Variants in PAQR5 observed in about 807,000 individuals in gnomAD.
The protein encoded by PAQR5 is membrane progestin receptor gamma.
In PAQR5, 20 loss-of-function variants were observed where a neutral mutation model predicts 34.5. The ratio of observed to expected loss-of-function variants is 0.58; its 90% CI spans 0.41 to 0.84. The LOEUF (loss-of-function observed/expected upper bound fraction) is 0.84. PAQR5 is among the 40% of genes least tolerant of loss of function. PAQR5 has a pLI of 0.00. For synonymous variants in PAQR5, 131 were observed against 155.6 expected (o/e 0.84, Z 1.18); for missense variants, 378 against 412.7 (o/e 0.92, Z 0.73).
chr15:69,396,102 G>A (rs1191419579), intron 6 of PAQR5, among the ~76,000 whole-genome samples: 6 of 151,478 alleles, frequency 4.0e-5, no homozygotes, highest in Non-Finnish European at 8.8e-5. Context: ...ACCAGATCTG[G>A]CACCTGCCTG....
At chr15:69,392,473 C>A (rs574208642) in intron 6 of PAQR5, among the ~76,000 whole-genome samples, 1 of 151,868 alleles carries the variant, frequency 6.6e-6, no homozygotes, top group Non-Finnish European at 1.5e-5. Flanking sequence ...TGGAGTACAT[C>A]TGTGCCTATT....
At chr15:69,320,517 C>T (rs923797915) in intron 1 of PAQR5, among the ~76,000 whole-genome samples, 5 of 151,852 alleles carry the variant, frequency 3.3e-5, no homozygotes, top group East Asian at 1.9e-4. Context: ...TCACCAGGGC[C>T]GATAATATGC....
At chr15:69,349,361 T>C (rs1270994807) in intron 2 of PAQR5, among the ~76,000 whole-genome samples, 1 of 152,166 alleles carries the variant, frequency 6.6e-6, no homozygotes, top group African/African-American at 2.4e-5. Context: ...AGGCCCAAAA[T>C]GTGACCCACG....
intron 2 of PAQR5, among the ~76,000 whole-genome samples, chr15:69,348,527 G>A (rs1405545644): frequency 5.3e-5 from 8 of 152,168 alleles, no homozygotes; most frequent in Non-Finnish European, 1.2e-4. Context: ...CATAGGTTTG[G>A]TTCAGAGTAG....
At chr15:69,312,223 G>C (rs540788298) in intron 1 of PAQR5, among the ~76,000 whole-genome samples, 17 of 152,140 alleles carry the variant, frequency 1.1e-4, no homozygotes, top group Non-Finnish European at 1.6e-4. Context: ...AGGCAGGGGC[G>C]AGAGGGTCCA....
At chr15:69,358,806 A>G (rs994297064) in intron 2 of PAQR5, among the ~76,000 whole-genome samples, 1 of 151,810 alleles carries the variant, frequency 6.6e-6, no homozygotes, top group African/African-American at 2.4e-5. Flanking sequence ...TGTAGAAACA[A>G]GGTCTCACTA....
intron 2 of PAQR5, among the ~76,000 whole-genome samples, chr15:69,358,194 T>G (rs940087667): frequency 1.1e-4 from 16 of 152,032 alleles, no homozygotes; most frequent in Non-Finnish European, 1.2e-4. Context: ...TTCTGTTTCT[T>G]GGACCTGTTG....
At chr15:69,364,666 A>T (rs1245585719) in intron 3 of PAQR5, among the ~76,000 whole-genome samples, 1 of 150,372 alleles carries the variant, frequency 6.7e-6, no homozygotes, top group Admixed American at 6.7e-5. Flanking sequence ...TGTGTGTATA[A>T]GTAATCTTTT....
At chr15:69,308,719 C>G (rs530235138) in intron 1 of PAQR5, among the ~76,000 whole-genome samples, 1 of 152,198 alleles carries the variant, frequency 6.6e-6, no homozygotes, top group African/African-American at 2.4e-5. Flanking sequence ...AGTTAGGATA[C>G]AGCAGGGGTG....
chr15:69,397,174 G>A (rs2056463138), intron 6 of PAQR5: 3 of 499,790 alleles, frequency 6.0e-6, no homozygotes, highest in Middle Eastern at 3.0e-4. Flanking sequence ...TACATAACTT[G>A]GCCCTTGAAG....
intron 1 of PAQR5, among the ~76,000 whole-genome samples, chr15:69,328,183 T>C (rs1595859199): frequency 6.6e-6 from 1 of 152,146 alleles, no homozygotes. Context: ...GAGAATGATA[T>C]ACATCAAGCT....
intron 8 of PAQR5, among the ~76,000 whole-genome samples, chr15:69,402,349 G>A (rs1005828102): frequency 3.3e-5 from 5 of 149,750 alleles, no homozygotes; most frequent in African/African-American, 9.9e-5. Context: ...ACGGAGTCTC[G>A]CTCTGTCGCC....
chr15:69,331,334 A>G (rs1245300201), intron 1 of PAQR5, among the ~76,000 whole-genome samples: 1 of 152,210 alleles, frequency 6.6e-6, no homozygotes, highest in East Asian at 1.9e-4. Flanking sequence ...CTTTCTAACT[A>G]GTAAGAAGAG....
At chr15:69,303,358 G>A (rs912217143) in intron 1 of PAQR5, among the ~76,000 whole-genome samples, 2 of 152,076 alleles carry the variant, frequency 1.3e-5, no homozygotes, top group Non-Finnish European at 2.9e-5. Flanking sequence ...TACCCAAAGG[G>A]GCAGCTCCCA....
chr15:69,378,458 A>AAAAG (rs1337532462), intron 3 of PAQR5, among the ~76,000 whole-genome samples: 16 of 143,756 alleles, frequency 1.1e-4, no homozygotes, highest in African/African-American at 3.9e-4. Context: ...AAAAAAAAAA[A>AAAAG]AGAGAGAGAG....
intron 1 of PAQR5, among the ~76,000 whole-genome samples, chr15:69,308,248 G>A (rs1253631030): frequency 6.6e-6 from 1 of 152,078 alleles, no homozygotes; most frequent in Non-Finnish European, 1.5e-5. Context: ...GGGCACTGTG[G>A]GTAGAGACCC....
intron 2 of PAQR5, among the ~76,000 whole-genome samples, chr15:69,352,012 G>C (rs527349045): frequency 6.6e-6 from 1 of 152,316 alleles, no homozygotes; most frequent in South Asian, 2.1e-4. Context: ...TCCTAGAACA[G>C]GAGAAGGCTC....
chr15:69,332,373 C>T (rs952321481), intron 1 of PAQR5, among the ~76,000 whole-genome samples: 3 of 152,144 alleles, frequency 2.0e-5, no homozygotes, highest in African/African-American at 7.2e-5. Flanking sequence ...TGCTTTGTGT[C>T]CTTAAGAGCT....
At chr15:69,305,829 G>A (rs2053703654) in intron 1 of PAQR5, among the ~76,000 whole-genome samples, 1 of 152,164 alleles carries the variant, frequency 6.6e-6, no homozygotes, top group African/African-American at 2.4e-5. Flanking sequence ...CTTCGTCCAC[G>A]GAAACCCCCT....
Sources: allele counts gnomAD v4.1 joint callset (sites outside exome capture counted in the v4.1 genomes callset), GRCh38; gene constraint gnomAD v4.1.1; transcripts MANE v1.5; gene names NCBI Gene and HGNC (gene_info 2026-07-23, HGNC 2026-07-21).